Variants in INSL6 observed in about 807,000 individuals in gnomAD.
INSL6 encodes insulin-like peptide INSL6.
Under a neutral mutation model 9.4 loss-of-function variants are expected in INSL6, and 16 were observed. That is an observed-to-expected ratio of 1.70 (90% CI 1.15 to 2.59). INSL6 has a LOEUF of 2.59. INSL6 is among the 30% of genes most tolerant of loss of function. The pLI, the probability that INSL6 is intolerant of heterozygous loss-of-function variation, is 0.00. For synonymous variants in INSL6, 154 were observed against 96.9 expected, an observed-to-expected ratio of 1.59 and a Z score of -3.46; for missense variants, 391 against 257.3, an observed-to-expected ratio of 1.52 and a Z score of -3.56.
downstream of INSL6, among the ~76,000 whole-genome samples, chr9:5,121,052 G>C (rs1465903884): frequency 3.3e-5 from 5 of 152,140 alleles, no homozygotes; most frequent in East Asian, 7.7e-4. Context: ...TTAACCAAGA[G>C]AGGAATAAAT....
the INSL6 span, among the ~76,000 whole-genome samples, chr9:5,089,333 T>C: frequency 6.6e-6 from 1 of 151,846 alleles, no homozygotes; most frequent in Non-Finnish European, 1.5e-5. Context: ...GGTCAGGAGA[T>C]CAAGACAATC....
intron 1 of INSL6, among the ~76,000 whole-genome samples, chr9:5,176,879 T>C (rs1410807975): frequency 6.6e-6 from 1 of 152,164 alleles, no homozygotes; most frequent in Non-Finnish European, 1.5e-5. Context: ...TGCATTTCTC[T>C]AGCCAAGTCA....
exon 4 of INSL6, among the ~76,000 whole-genome samples, chr9:5,123,959 G>A (rs1823805988): frequency 6.6e-6 from 1 of 151,068 alleles, no homozygotes; most frequent in African/African-American, 2.4e-5. Flanking sequence ...TTTCTCTGGT[G>A]ATTAGTGATT....
At chr9:5,079,229 G>A in the INSL6 span, among the ~76,000 whole-genome samples, 1 of 152,292 alleles carries the variant, frequency 6.6e-6, no homozygotes, top group African/African-American at 2.4e-5. Flanking sequence ...GGAATCGGAA[G>A]TGAAGATGGA....
chr9:4,996,925 GTTCT>G, the INSL6 span, among the ~76,000 whole-genome samples: 2 of 119,804 alleles, frequency 1.7e-5, no homozygotes, highest in African/African-American at 6.4e-5. Context: ...CTGTTAGTTT[GTTCT>G]TTTTTTTTTT....
At chr9:5,126,802 C>T in intron 3 of INSL6, 1 of 1,547,216 alleles carries the variant, frequency 6.5e-7, no homozygotes, top group Non-Finnish European at 8.9e-7. Flanking sequence ...AAGAAATGAC[C>T]TTCATTCTGA....
the INSL6 span, among the ~76,000 whole-genome samples, chr9:5,061,533 C>G: frequency 6.6e-6 from 1 of 152,204 alleles, no homozygotes; most frequent in Non-Finnish European, 1.5e-5. Flanking sequence ...TCCAACTTTT[C>G]TTCTGCAGCT....
chr9:5,170,472 A>G (rs1259374384), intron 1 of INSL6, among the ~76,000 whole-genome samples: 1 of 152,010 alleles, frequency 6.6e-6, no homozygotes, highest in African/African-American at 2.4e-5. Context: ...CCCCAAAACT[A>G]GAGAAGAAAT....
chr9:4,992,627 G>GTA, the INSL6 span, among the ~76,000 whole-genome samples: 1 of 152,098 alleles, frequency 6.6e-6, no homozygotes, highest in Non-Finnish European at 1.5e-5. Flanking sequence ...TCAGAGTCCA[G>GTA]TATCTCATCA....
At chr9:5,001,260 T>C in the INSL6 span, among the ~76,000 whole-genome samples, 2 of 152,208 alleles carry the variant, frequency 1.3e-5, no homozygotes, top group Non-Finnish European at 2.9e-5. Flanking sequence ...TGAGCATCCT[T>C]TCCTTGTTCC....
the INSL6 span, among the ~76,000 whole-genome samples, chr9:5,010,054 G>A: frequency 2.0e-5 from 3 of 152,160 alleles, no homozygotes; most frequent in African/African-American, 7.2e-5. Context: ...TTGGAGGCAT[G>A]AGCCATCGCA....
chr9:5,112,537 GA>G, the INSL6 span: 2 of 598,176 alleles, frequency 3.3e-6, no homozygotes, highest in Non-Finnish European at 6.0e-6. Flanking sequence ...GGCCGAGTGG[GA>G]GAAGCAGGTG....
chr9:5,179,386 G>A (rs1043436168), intron 1 of INSL6, among the ~76,000 whole-genome samples: 2 of 152,150 alleles, frequency 1.3e-5, no homozygotes, highest in African/African-American at 4.8e-5. Context: ...GGAGAAAAAG[G>A]AACACTTTTA....
chr9:5,170,680 TACAA>T (rs1232229819), intron 1 of INSL6, among the ~76,000 whole-genome samples: 1 of 148,990 alleles, frequency 6.7e-6, no homozygotes, highest in Non-Finnish European at 1.5e-5. Context: ...CCCACAGAAA[TACAA>T]ACAACCATCA....
At chr9:5,044,421 G>T in the INSL6 span, 1 of 1,610,456 alleles carries the variant, frequency 6.2e-7, no homozygotes, top group Non-Finnish European at 8.5e-7. Flanking sequence ...TTCCTCGTTG[G>T]TATTGCAGTG....
At chr9:5,104,690 C>T in the INSL6 span, among the ~76,000 whole-genome samples, 8 of 152,230 alleles carry the variant, frequency 5.3e-5, no homozygotes, top group Non-Finnish European at 1.2e-4. Context: ...TCCAGCAGCA[C>T]ATCCAAAAGC....
chr9:5,109,563 A>C, the INSL6 span: 1 of 152,154 alleles, frequency 6.6e-6, no homozygotes, highest in African/African-American at 2.4e-5. Context: ...ACGTTAGTCA[A>C]CCCCTGCAAA....
the INSL6 span, chr9:5,090,792 A>G: frequency 6.2e-7 from 1 of 1,613,386 alleles, no homozygotes; most frequent in Non-Finnish European, 8.5e-7. Context: ...TGGCAACGAG[A>G]AATATATTGG....
chr9:5,167,549 G>T (rs138828525), intron 1 of INSL6, among the ~76,000 whole-genome samples: 1 of 152,196 alleles, frequency 6.6e-6, no homozygotes, highest in Admixed American at 6.5e-5. Flanking sequence ...TCCCCCTCAC[G>T]GAGCAGGGCC....
Sources: gnomAD v4.1 joint callset for allele counts (sites outside exome capture counted in the v4.1 genomes callset) on GRCh38, gnomAD v4.1.1 for gene constraint, MANE v1.5 for transcripts, NCBI Gene and HGNC (gene_info 2026-07-23, HGNC 2026-07-21) for gene names.